Variants in COP1 observed in about 807,000 individuals in gnomAD.
The protein encoded by COP1 is E3 ubiquitin-protein ligase COP1.
A neutral mutation model predicts 101.3 loss-of-function variants in COP1; 24 were observed. That is an observed-to-expected ratio of 0.24 (90% CI 0.17 to 0.33). The LOEUF is 0.33. Ranked by LOEUF, COP1 falls within the 10% of genes least tolerant of loss-of-function variation. COP1 has a pLI of 1.00. For missense variants in COP1, 663 were observed against 906.2 expected (o/e 0.73, Z 3.45); for synonymous variants, 347 against 341.9 (o/e 1.01, Z -0.17).
intron 5 of COP1, among the ~76,000 whole-genome samples, chr1:176,162,509 T>C (rs1162360152): frequency 6.6e-6 from 1 of 152,156 alleles, no homozygotes; most frequent in Admixed American, 6.6e-5. Context: ...ATAATCTCTA[T>C]TTCTCCTCCA....
chr1:176,068,446 T>G (rs935460465), intron 11 of COP1, among the ~76,000 whole-genome samples: 3 of 152,206 alleles, frequency 2.0e-5, no homozygotes, highest in Non-Finnish European at 4.4e-5. Context: ...GATCTCCAGA[T>G]GATTATGAGG....
At chr1:176,051,087 G>A (rs574572792) in intron 11 of COP1, among the ~76,000 whole-genome samples, 2 of 152,248 alleles carry the variant, frequency 1.3e-5, no homozygotes, top group South Asian at 4.1e-4. Flanking sequence ...AGCCTCACCG[G>A]TTTTATAATT....
intron 18 of COP1, among the ~76,000 whole-genome samples, chr1:175,983,287 A>G (rs1656309420): frequency 6.6e-6 from 1 of 152,166 alleles, no homozygotes; most frequent in Admixed American, 6.5e-5. Flanking sequence ...GTGGGAGGTA[A>G]ATGACTCATG....
chr1:176,051,251 T>C (rs1050193238), intron 11 of COP1, among the ~76,000 whole-genome samples: 3 of 152,176 alleles, frequency 2.0e-5, no homozygotes, highest in African/African-American at 7.2e-5. Flanking sequence ...GTGCCAGTTA[T>C]CTGCTGGATA....
chr1:176,136,461 G>A, intron 7 of COP1, 27 bp downstream of exon 7: 2 of 1,491,398 alleles, frequency 1.3e-6, no homozygotes, highest in African/African-American at 1.4e-5. Flanking sequence ...AAATTGCTAA[G>A]GATGTGAGAA....
intron 18 of COP1, among the ~76,000 whole-genome samples, chr1:175,964,054 T>A (rs1651706707): frequency 6.6e-6 from 1 of 152,218 alleles, no homozygotes; most frequent in African/African-American, 2.4e-5. Context: ...GTACTTTCCA[T>A]GTATTTTCTA....
intron 18 of COP1, among the ~76,000 whole-genome samples, chr1:175,957,881 T>C (rs1650874480): frequency 6.6e-6 from 1 of 152,292 alleles, no homozygotes; most frequent in South Asian, 2.1e-4. Context: ...AACACAAGCA[T>C]TTCAAAGTAT....
rs547649742 is a variant in COP1, at chr1:176,043,658, T to G, written c.1530+52A>C. ...AAGGCACATGAAGTTCTAAAAGTTT[T>G]AACAAACCAAATGTATGATTCATAT... On this transcript the variant is annotated intron_variant, in intron 13 of 19. Transcript: ENST00000367669. 7.2e-6 allele frequency: 8 copies of G among 1,111,682 alleles called. No homozygotes were observed. In the South Asian group the frequency reaches 1.0e-4, roughly 15 times the overall value. 68.9% of individuals were successfully genotyped at this position (1,111,682 alleles called of 1,614,324 possible).
In COP1 at chr1:175,946,097, A is replaced by G. The variant is rs551125449; in HGVS notation, c.2179-927T>C. 1.8e-4 allele frequency among the ~76,000 whole-genome samples: 27 copies of G among 152,308 alleles called. No individual in the cohort carries two copies. In the South Asian group the frequency reaches 5.4e-3, roughly 30 times the overall value. On this transcript the variant is annotated intron_variant, in intron 19 of 19. Transcript: ENST00000367669. Reference sequence around the variant, plus strand: ...TCAATTCATGACTTGACATGAGAGTAAGAGAGAGACTGAGAGAGTATAGAA... The same window carrying G: ...TCAATTCATGACTTGACATGAGAGTGAGAGAGAGACTGAGAGAGTATAGAA...
At chr1:176,060,318 C>T (rs368392736) in intron 11 of COP1, among the ~76,000 whole-genome samples, 1 of 152,152 alleles carries the variant, frequency 6.6e-6, no homozygotes, top group Non-Finnish European at 1.5e-5. Flanking sequence ...CCTTAAAGCA[C>T]TTAAAGATGC....
chr1:175,994,217 C>A (rs138094586), intron 15 of COP1, among the ~76,000 whole-genome samples: 9,030 of 152,232 alleles, frequency 0.059, 611 homozygotes, highest in African/African-American at 0.16. Context: ...CACCACCAGG[C>A]CTGCCCTAAA....
intron 15 of COP1, among the ~76,000 whole-genome samples, chr1:176,002,879 G>T (rs1358033225): frequency 6.6e-6 from 1 of 151,458 alleles, no homozygotes. Flanking sequence ...CTCAGTAATG[G>T]GATGGCTGGG....
At chr1:175,963,820 T>C (rs953862287) in intron 18 of COP1, among the ~76,000 whole-genome samples, 2 of 152,166 alleles carry the variant, frequency 1.3e-5, no homozygotes, top group Admixed American at 6.5e-5. Flanking sequence ...AATGATCTTA[T>C]AAAGATTTCT....
At chr1:176,116,351 C>A (rs1558140742) in intron 9 of COP1, among the ~76,000 whole-genome samples, 1 of 151,778 alleles carries the variant, frequency 6.6e-6, no homozygotes, top group Non-Finnish European at 1.5e-5. Context: ...CAGAGTGTCT[C>A]AAAAAAACAA....
chr1:176,030,606 T>C (rs1668499080), intron 14 of COP1, among the ~76,000 whole-genome samples: 1 of 152,202 alleles, frequency 6.6e-6, no homozygotes, highest in South Asian at 2.1e-4. Context: ...GTCACAACAT[T>C]AACCACCATG....
intron 9 of COP1, among the ~76,000 whole-genome samples, chr1:176,113,169 T>C (rs1237087992): frequency 6.6e-6 from 1 of 152,146 alleles, no homozygotes; most frequent in Non-Finnish European, 1.5e-5. Flanking sequence ...TTCTCATCAG[T>C]ATAGGGGCAT....
At chr1:176,117,615 C>T (rs1686417437) in intron 8 of COP1, among the ~76,000 whole-genome samples, 1 of 152,208 alleles carries the variant, frequency 6.6e-6, no homozygotes, top group African/African-American at 2.4e-5. Context: ...CATGCTTAGG[C>T]TAGGCACGGT....
chr1:176,079,497 G>T (rs1350855905), intron 11 of COP1, among the ~76,000 whole-genome samples: 1 of 151,822 alleles, frequency 6.6e-6, no homozygotes, highest in Non-Finnish European at 1.5e-5. Context: ...GTGGGAGAGG[G>T]CAGGGGTCGT....
intron 5 of COP1, among the ~76,000 whole-genome samples, chr1:176,158,006 A>G (rs973570407): frequency 6.6e-6 from 1 of 152,168 alleles, no homozygotes; most frequent in African/African-American, 2.4e-5. Flanking sequence ...TTGAAGAAAT[A>G]ATGGCTGAAA....
Sources: allele counts gnomAD v4.1 joint callset (sites outside exome capture counted in the v4.1 genomes callset), GRCh38; gene constraint gnomAD v4.1.1; transcripts MANE v1.5; gene names NCBI Gene and HGNC (gene_info 2026-07-23, HGNC 2026-07-21).